Variants in ROBO2 observed in about 807,000 individuals in gnomAD.
ROBO2 encodes roundabout guidance receptor 2, also known as roundabout homolog 2.
ROBO2 carries 53 observed loss-of-function variants against 160.8 expected under a neutral mutation model. The observed-to-expected ratio is 0.33, with a 90% CI of 0.26 to 0.41. The LOEUF (loss-of-function observed/expected upper bound fraction) is 0.41, where lower values mean the gene tolerates loss of function less well. Ranked by LOEUF, ROBO2 falls within the 10% of genes least tolerant of loss-of-function variation. The pLI, the probability that ROBO2 is intolerant of heterozygous loss-of-function variation, is 1.00. For missense variants in ROBO2, 1,577 were observed against 1,722.4 expected (o/e 0.92, Z 1.49); for synonymous variants, 664 against 611.7 (o/e 1.09, Z -1.26).
chr3:76,510,209 A>G (rs901411170), intron 2 of ROBO2, among the ~76,000 whole-genome samples: 5 of 152,166 alleles, frequency 3.3e-5, no homozygotes, highest in Non-Finnish European at 7.3e-5. Context: ...ATGTCAAAAA[A>G]GGCCTGAAGA....
intron 2 of ROBO2, among the ~76,000 whole-genome samples, chr3:76,643,944 T>A (rs1324276095): frequency 2.0e-5 from 3 of 152,228 alleles, no homozygotes; most frequent in East Asian, 1.9e-4. Flanking sequence ...TATTGATTTC[T>A]ATGTTAAATA....
At chr3:76,758,329 G>T (rs553837567) in intron 2 of ROBO2, among the ~76,000 whole-genome samples, 49 of 151,746 alleles carry the variant, frequency 3.2e-4, no homozygotes, top group Non-Finnish European at 5.7e-4. Flanking sequence ...AGACAAGCTT[G>T]CCTGTACTAA....
intron 2 of ROBO2, among the ~76,000 whole-genome samples, chr3:76,516,154 G>C (rs2081338412): frequency 6.6e-6 from 1 of 152,122 alleles, no homozygotes; most frequent in African/African-American, 2.4e-5. Flanking sequence ...GTGAGAAATA[G>C]ATTTGTTACA....
intron 5 of ROBO2, among the ~76,000 whole-genome samples, chr3:77,501,685 T>A (rs1026187196): frequency 9.2e-5 from 14 of 152,016 alleles, no homozygotes; most frequent in Admixed American, 1.3e-4. Context: ...AATTAGAGAA[T>A]CACGGCAATA....
At chr3:77,574,846 G>A in intron 14 of ROBO2, 116 bp downstream of exon 15, 1 of 783,268 alleles carries the variant, frequency 1.3e-6, no homozygotes, top group Non-Finnish European at 2.1e-6. Flanking sequence ...GTAAATTGAG[G>A]AAGTGTCGTT....
intron 2 of ROBO2, among the ~76,000 whole-genome samples, chr3:75,939,306 GT>G (rs1947934453): frequency 1.3e-5 from 2 of 152,118 alleles, no homozygotes; most frequent in South Asian, 2.1e-4. Context: ...ATTGTGGCTT[GT>G]TTTAGATGAG....
chr3:77,078,102 T>G (rs2068205169), intron 1 of ROBO2, among the ~76,000 whole-genome samples: 1 of 152,156 alleles, frequency 6.6e-6, no homozygotes, highest in African/African-American at 2.4e-5. Context: ...ACATTTTATT[T>G]CCACTCATAT....
chr3:76,367,512 C>T (rs1293409770), intron 2 of ROBO2, among the ~76,000 whole-genome samples: 2 of 151,894 alleles, frequency 1.3e-5, no homozygotes, highest in Non-Finnish European at 2.9e-5. Context: ...ATCACAACTT[C>T]CTGTGGTTTG....
intron 2 of ROBO2, among the ~76,000 whole-genome samples, chr3:76,912,626 A>G (rs946925601): frequency 1.3e-5 from 2 of 152,206 alleles, no homozygotes; most frequent in African/African-American, 2.4e-5. Context: ...AGACTCTCCA[A>G]TGAATGAGCT....
At chr3:77,544,638 C>A (rs773632654) in intron 6 of ROBO2, among the ~76,000 whole-genome samples, 1 of 152,044 alleles carries the variant, frequency 6.6e-6, no homozygotes, top group South Asian at 2.1e-4. Flanking sequence ...TACGTTTACC[C>A]CATTCTTGGA....
chr3:75,908,369 TTAATG>T (rs1314735204), intron 1 of ROBO2, among the ~76,000 whole-genome samples: 6 of 152,158 alleles, frequency 3.9e-5, no homozygotes, highest in African/African-American at 1.4e-4. Flanking sequence ...ACTTGCATAT[TTAATG>T]TAAGGTTCTT....
intron 2 of ROBO2, among the ~76,000 whole-genome samples, chr3:77,257,490 C>A (rs2058496905): frequency 6.6e-6 from 1 of 152,116 alleles, no homozygotes; most frequent in Admixed American, 6.6e-5. Context: ...GAGTAGGGAG[C>A]TCGCATGGTA....
intron 2 of ROBO2, among the ~76,000 whole-genome samples, chr3:77,168,305 T>C (rs556276802): frequency 6.6e-6 from 1 of 152,312 alleles, no homozygotes; most frequent in Admixed American, 6.5e-5. Flanking sequence ...GAAATCTTGT[T>C]ATTAAGAAAA....
chr3:76,733,561 T>C (rs1208841172), intron 2 of ROBO2, among the ~76,000 whole-genome samples: 1 of 152,238 alleles, frequency 6.6e-6, no homozygotes, highest in Non-Finnish European at 1.5e-5. Context: ...TCATTTTATC[T>C]TCACACTGTT....
intron 2 of ROBO2, among the ~76,000 whole-genome samples, chr3:76,915,847 G>A (rs1053814084): frequency 6.6e-6 from 1 of 152,086 alleles, no homozygotes; most frequent in Non-Finnish European, 1.5e-5. Context: ...ATTACTCACG[G>A]TTCTGGATCA....
chr3:76,398,173 T>C (rs1576936553), intron 2 of ROBO2, among the ~76,000 whole-genome samples: 2 of 152,032 alleles, frequency 1.3e-5, no homozygotes, highest in African/African-American at 4.8e-5. Context: ...ATGTCCTTTG[T>C]AGGGACATGG....
intron 2 of ROBO2, among the ~76,000 whole-genome samples, chr3:76,455,911 G>T (rs1231765874): frequency 1.3e-5 from 2 of 152,146 alleles, no homozygotes; most frequent in African/African-American, 4.8e-5. Flanking sequence ...TGCTGACAGA[G>T]AAATCATTCA....
chr3:77,603,205 T>C, intron 20 of ROBO2: 3 of 383,722 alleles, frequency 7.8e-6, no homozygotes, highest in South Asian at 5.7e-5. Context: ...AATGAAATCA[T>C]GCCTTGGTGG....
At chr3:76,706,579 A>T (rs2093167652) in intron 2 of ROBO2, among the ~76,000 whole-genome samples, 1 of 152,080 alleles carries the variant, frequency 6.6e-6, no homozygotes, top group South Asian at 2.1e-4. Flanking sequence ...TTTAGTATAA[A>T]TTTAATATAA....
Sources: allele counts gnomAD v4.1 joint callset (sites outside exome capture counted in the v4.1 genomes callset), GRCh38; gene constraint gnomAD v4.1.1; transcripts MANE v1.5; gene names NCBI Gene and HGNC (gene_info 2026-07-23, HGNC 2026-07-21).